Variants in ACADL observed in about 807,000 individuals in gnomAD.
The protein encoded by ACADL is long-chain specific acyl-CoA dehydrogenase, mitochondrial.
ACADL carries 60 observed loss-of-function variants against 56.9 expected under a neutral mutation model. The ratio of observed to expected loss-of-function variants is 1.05; its 90% CI spans 0.86 to 1.31. The LOEUF (loss-of-function observed/expected upper bound fraction) is 1.31, where lower values mean the gene tolerates loss of function less well. Among genes scored for constraint, ACADL ranks in the 50% most tolerant of loss-of-function variants. The pLI is 0.00. For missense variants in ACADL, 484 were observed against 525.5 expected (o/e 0.92, Z 0.77); for synonymous variants, 158 against 179.7 (o/e 0.88, Z 0.97).
chr2:210,207,576 C>T, intron 5 of ACADL, among the ~76,000 whole-genome samples: 1 of 152,108 alleles, frequency 6.6e-6, no homozygotes, highest in East Asian at 1.9e-4. Context: ...GCCAAAAGGT[C>T]TCAAATTCTC....
intron 5 of ACADL, among the ~76,000 whole-genome samples, 193 bp from the exon 6 acceptor site, chr2:210,205,989 A>G (rs2125713001): frequency 6.6e-6 from 1 of 152,300 alleles, no homozygotes; most frequent in African/African-American, 2.4e-5. Context: ...GGGAAAAATT[A>G]CTTAATGCTT....
Position 210,204,570 on chromosome 2 carries a change from A to G in ACADL, c.870+11T>C, listed in dbSNP as rs779469811. 3 of 1,546,554 alleles carry G rather than the reference A, an allele frequency of 1.9e-6. No individual in the cohort carries two copies. In the South Asian group the frequency reaches 3.3e-5, roughly 17 times the overall value. ...TTCAGTCAAAAGATGGAATCTTTAA[A>G]CACTTCTGACCTGTGGAAGCTCTTT... On this transcript the variant is annotated intron_variant, in intron 7 of 10. Coordinates refer to ENST00000233710, the MANE Select transcript of ACADL (RefSeq NM_001608.4).
At chr2:210,194,323 A>G (rs1013851300) in intron 9 of ACADL, among the ~76,000 whole-genome samples, 1 of 152,154 alleles carries the variant, frequency 6.6e-6, no homozygotes, top group Non-Finnish European at 1.5e-5. Context: ...ATAAAGCACA[A>G]AATATTTCCC....
chr2:210,210,282 TAAAA>T lies in ACADL; in HGVS notation c.537-24_537-21del. The T allele has an allele frequency of 6.4e-7, 1 of 1,551,190 alleles. No individual in the cohort carries two copies. The highest frequency in any genetic ancestry group is 8.9e-7 in the Non-Finnish European group (1 of 1,124,544). On this transcript the variant is annotated intron_variant, in intron 4 of 10. Coordinates refer to ENST00000233710, the MANE Select transcript of ACADL (RefSeq NM_001608.4). The stretch of plus-strand genomic sequence containing the variant: ...AAGTCACTGTAATTGAAAGAAAAGA[TAAAA>T]AATTCATCAAATGATAAAAATTAAA...
At chr2:210,214,261 C>G (rs572000804) in intron 4 of ACADL, among the ~76,000 whole-genome samples, 3 of 152,162 alleles carry the variant, frequency 2.0e-5, no homozygotes, top group African/African-American at 7.2e-5. Context: ...ATTCCATCTT[C>G]TATCTTCTTT....
chr2:210,222,508 C>CAAAAAAAAAAA (rs797000679), intron 1 of ACADL, among the ~76,000 whole-genome samples: 1 of 81,398 alleles, frequency 1.2e-5, no homozygotes. Flanking sequence ...AACAAACAAA[C>CAAAAAAAAAAA]AAAAAAAAAA....
chr2:210,211,417 T>A (rs1464749274), intron 4 of ACADL, among the ~76,000 whole-genome samples: 4 of 152,206 alleles, frequency 2.6e-5, no homozygotes, highest in African/African-American at 9.6e-5. Flanking sequence ...GTGGGTGATA[T>A]GGTTTGGCTC....
chr2:210,189,704 T>C (rs1688601533), intron 10 of ACADL, among the ~76,000 whole-genome samples: 1 of 152,150 alleles, frequency 6.6e-6, no homozygotes, highest in Admixed American at 6.5e-5. Context: ...TTGATAGTCA[T>C]GATAACAACC....
chr2:210,203,992 A>G (rs1046417702), intron 7 of ACADL, among the ~76,000 whole-genome samples: 2 of 152,252 alleles, frequency 1.3e-5, no homozygotes, highest in African/African-American at 4.8e-5. Context: ...CTTAAAGCAC[A>G]TAAGTTAAAT....
intron 2 of ACADL, chr2:210,218,502 G>C (rs780613256): frequency 3.9e-5 from 8 of 206,878 alleles, no homozygotes; most frequent in Non-Finnish European, 7.8e-5. Context: ...GCCCATGCTG[G>C]TCGTGAACTC....
At chr2:210,224,943 C>A in intron 1 of ACADL, 1 of 1,343,352 alleles carries the variant, frequency 7.4e-7, no homozygotes, top group Non-Finnish European at 9.5e-7. Flanking sequence ...CTTTCCCCGA[C>A]GTGGGCTCGG....
intron 10 of ACADL, 101 bp downstream of exon 10, chr2:210,192,703 G>C (rs1178688978): frequency 2.2e-6 from 2 of 914,568 alleles, no homozygotes; most frequent in Non-Finnish European, 3.5e-6. Flanking sequence ...AAATTCAAAA[G>C]ATTGCACACC....
intron 5 of ACADL, 96 bp downstream of exon 5, chr2:210,210,100 C>T: frequency 1.1e-6 from 1 of 935,586 alleles, no homozygotes; most frequent in South Asian, 1.4e-5. Context: ...CTGCCTGAGT[C>T]CCTAGATTTA....
intron 8 of ACADL, among the ~76,000 whole-genome samples, chr2:210,196,944 A>G (rs1171798311): frequency 1.3e-5 from 2 of 152,170 alleles, no homozygotes; most frequent in African/African-American, 2.4e-5. Flanking sequence ...CAGAAGATAC[A>G]TGGTCTGCTT....
intron 4 of ACADL, among the ~76,000 whole-genome samples, chr2:210,214,467 A>AAAAAG (rs768537049): frequency 8.2e-6 from 1 of 122,336 alleles, no homozygotes; most frequent in East Asian, 2.4e-4. Flanking sequence ...GACCTTCCAA[A>AAAAAG]AAAGAAAGAA....
intron 10 of ACADL, 128 bp downstream of exon 10, chr2:210,192,676 G>A: frequency 1.4e-6 from 1 of 711,148 alleles, no homozygotes; most frequent in Non-Finnish European, 2.5e-6. Context: ...AATACATTTT[G>A]TCTGTATTCA....
chr2:210,218,496 A>G (rs1022114443), intron 2 of ACADL: 3 of 216,384 alleles, frequency 1.4e-5, no homozygotes, highest in African/African-American at 7.1e-5. Context: ...TATGTTGCCC[A>G]TGCTGGTCGT....
At chr2:210,200,178 A>T (rs780916839) in intron 8 of ACADL, among the ~76,000 whole-genome samples, 3 of 152,134 alleles carry the variant, frequency 2.0e-5, no homozygotes, top group Non-Finnish European at 4.4e-5. Flanking sequence ...CACTTCCTTC[A>T]TATTGCCAGG....
chr2:210,208,373 C>G (rs1408362389), intron 5 of ACADL, among the ~76,000 whole-genome samples: 1 of 152,186 alleles, frequency 6.6e-6, no homozygotes, highest in Non-Finnish European at 1.5e-5. Context: ...ATTTCTACAA[C>G]AGTGCGACCT....
Sources: gnomAD v4.1 joint callset for allele counts (sites outside exome capture counted in the v4.1 genomes callset) on GRCh38, gnomAD v4.1.1 for gene constraint, MANE v1.5 for transcripts, NCBI Gene and HGNC (gene_info 2026-07-23, HGNC 2026-07-21) for gene names.